Variants in GALNTL6 observed in about 807,000 individuals in gnomAD.
The protein encoded by GALNTL6 is polypeptide N-acetylgalactosaminyltransferase-like 6.
A neutral mutation model predicts 73.7 loss-of-function variants in GALNTL6; 46 were observed. That is an observed-to-expected ratio of 0.62 (90% CI 0.49 to 0.80). The LOEUF is 0.80. Ranked by LOEUF, GALNTL6 falls within the 30% of genes least tolerant of loss-of-function variation. The pLI is 0.00. For synonymous variants in GALNTL6, 259 were observed against 263.7 expected (o/e 0.98, Z 0.17); for missense variants, 604 against 755.0 (o/e 0.80, Z 2.34).
intron 7 of GALNTL6, among the ~76,000 whole-genome samples, chr4:172,870,766 A>G (rs1311992388): frequency 6.6e-6 from 1 of 152,226 alleles, no homozygotes; most frequent in Non-Finnish European, 1.5e-5. Flanking sequence ...TAATGACACT[A>G]CAAGTACATG....
intron 2 of GALNTL6, among the ~76,000 whole-genome samples, chr4:171,913,583 T>C (rs1003577208): frequency 6.6e-6 from 1 of 152,242 alleles, no homozygotes; most frequent in Non-Finnish European, 1.5e-5. Flanking sequence ...CATATAAATC[T>C]ATATTTGTTT....
chr4:172,682,163 A>G (rs1732665503), intron 5 of GALNTL6, among the ~76,000 whole-genome samples: 1 of 152,232 alleles, frequency 6.6e-6, no homozygotes, highest in Non-Finnish European at 1.5e-5. Flanking sequence ...AATGATCTGG[A>G]CAGATAAAAA....
chr4:172,278,396 A>G (rs1738908922), intron 3 of GALNTL6, among the ~76,000 whole-genome samples: 1 of 152,204 alleles, frequency 6.6e-6, no homozygotes, highest in Admixed American at 6.6e-5. Context: ...CAGCTTTAAA[A>G]TATCTATCCT....
intron 8 of GALNTL6, among the ~76,000 whole-genome samples, chr4:172,912,141 C>G (rs919641887): frequency 6.6e-6 from 1 of 152,126 alleles, no homozygotes; most frequent in Non-Finnish European, 1.5e-5. Flanking sequence ...AATAAAACAC[C>G]TCTTCATATA....
intron 2 of GALNTL6, among the ~76,000 whole-genome samples, chr4:172,017,065 T>TA (rs1741219051): frequency 6.6e-6 from 1 of 152,174 alleles, no homozygotes. Flanking sequence ...TTCAGGCTAA[T>TA]AGGGGAGTTA....
At chr4:172,289,138 T>C (rs1244434310) in intron 3 of GALNTL6, among the ~76,000 whole-genome samples, 1 of 152,236 alleles carries the variant, frequency 6.6e-6, no homozygotes, top group South Asian at 2.1e-4. Context: ...TTCATTGTTT[T>C]TGATGTGTTT....
intron 7 of GALNTL6, among the ~76,000 whole-genome samples, chr4:172,870,530 G>A (rs936173393): frequency 2.6e-5 from 4 of 152,084 alleles, no homozygotes; most frequent in African/African-American, 9.7e-5. Flanking sequence ...TTTCGCTTTG[G>A]CCCAGGGCCT....
chr4:172,220,181 C>T (rs1041887364), intron 2 of GALNTL6, among the ~76,000 whole-genome samples: 2 of 151,602 alleles, frequency 1.3e-5, no homozygotes, highest in African/African-American at 4.8e-5. Context: ...TTTAATAGTA[C>T]ACCTGTAGAA....
chr4:172,315,988 C>A (rs946469814), intron 4 of GALNTL6, among the ~76,000 whole-genome samples: 1 of 151,518 alleles, frequency 6.6e-6, no homozygotes, highest in African/African-American at 2.4e-5. Flanking sequence ...GTAAAAATGG[C>A]CTATATAGAA....
At chr4:172,323,310 A>G (rs1740822689) in intron 4 of GALNTL6, among the ~76,000 whole-genome samples, 1 of 152,174 alleles carries the variant, frequency 6.6e-6, no homozygotes, top group African/African-American at 2.4e-5. Flanking sequence ...AAATTACTAG[A>G]TATCACTGCC....
rs185084452 is a variant in GALNTL6, at chr4:171,827,518, A to C, written c.138+12800A>C. 1.6e-3 allele frequency among the ~76,000 whole-genome samples: 242 copies of C among 152,294 alleles called. 1 individual carries two copies. The highest frequency in any genetic ancestry group is 1.8e-3 in the Non-Finnish European group (122 of 68,028). On this transcript the variant is annotated intron_variant, in intron 2 of 12. Coordinates refer to ENST00000506823, the MANE Select transcript of GALNTL6 (RefSeq NM_001034845.3). ...ATCACTCACAAGCCTTCAGAATTTCAGTTATCAAATTTAGGTTGTTGACTC... is the reference window on the plus strand; with the variant it reads ...ATCACTCACAAGCCTTCAGAATTTCCGTTATCAAATTTAGGTTGTTGACTC...
At position 172,177,537 on chromosome 4, in the gene GALNTL6, G is replaced by A. The variant is rs1735037021; in HGVS notation, c.139-52119G>A. Among the ~76,000 whole-genome samples, 3 of 152,054 alleles carry A rather than the reference G, an allele frequency of 2.0e-5. No individual in the cohort carries two copies. The South Asian group carries it at 6.2e-4, about 32-fold the overall frequency. On this transcript the variant is annotated intron_variant, in intron 2 of 12. Coordinates refer to ENST00000506823, the MANE Select transcript of GALNTL6 (RefSeq NM_001034845.3). ...ATAGCACATTATTTGAACAGAATGAGAATATTTACTTGTCTTTCTTAGTTG... is the reference window on the plus strand; with the variant it reads ...ATAGCACATTATTTGAACAGAATGAAAATATTTACTTGTCTTTCTTAGTTG...
chr4:172,922,749 T>C (rs1296194779), intron 8 of GALNTL6, among the ~76,000 whole-genome samples: 1 of 152,216 alleles, frequency 6.6e-6, no homozygotes, highest in African/African-American at 2.4e-5. Flanking sequence ...GAGTGTCTTC[T>C]ATGTGCTGAA....
rs1322085131 is a variant in GALNTL6, at chr4:172,767,177, T to A, written c.554-42184T>A. On this transcript the variant is annotated intron_variant, in intron 5 of 12. Coordinates refer to ENST00000506823, the MANE Select transcript of GALNTL6 (RefSeq NM_001034845.3). ...GCTGTCTTTCAACGTATTATTTGTG[T>A]CAGATCAGAAACAACCAAAATGATG... 2.0e-5 allele frequency among the ~76,000 whole-genome samples: 3 copies of A among 152,212 alleles called. No homozygotes were observed. The East Asian group carries it at 5.8e-4, about 29-fold the overall frequency.
chr4:172,236,832 T>C (rs892741972), intron 3 of GALNTL6, among the ~76,000 whole-genome samples: 13 of 152,128 alleles, frequency 8.5e-5, no homozygotes, highest in Middle Eastern at 3.2e-3. Context: ...ATAAGCATAG[T>C]ATTCAATAGG....
At chr4:172,241,914 A>G (rs1328845498) in intron 3 of GALNTL6, among the ~76,000 whole-genome samples, 1 of 152,204 alleles carries the variant, frequency 6.6e-6, no homozygotes, top group Non-Finnish European at 1.5e-5. Context: ...ATCACAAAAT[A>G]GATTAGCATT....
chr4:173,005,534 A>AAT (rs1554010447), intron 10 of GALNTL6, among the ~76,000 whole-genome samples: 12 of 151,840 alleles, frequency 7.9e-5, no homozygotes, highest in Non-Finnish European at 1.3e-4. Context: ...ATTTAAAAAA[A>AAT]ATATATTATT....
In GALNTL6 at chr4:172,008,459, C is replaced by CTTT. The variant is rs113131588; in HGVS notation, c.138+193749_138+193751dup. Among the ~76,000 whole-genome samples the CTTT allele has an allele frequency of 2.0e-5, 3 of 148,892 alleles. No homozygotes were observed. The Admixed American group carries it at 2.0e-4, about 10-fold the overall frequency. ...TTTGATTTGTTTCTGCATCAACTTT[C>CTTT]TTTTTTTTTTAATTTAAGGATTTAT... On this transcript the variant is annotated intron_variant, in intron 2 of 12. Transcript: ENST00000506823.
At chr4:171,923,826 G>GTGTGTT (rs1737882151) in intron 2 of GALNTL6, among the ~76,000 whole-genome samples, 3 of 144,928 alleles carry the variant, frequency 2.1e-5, no homozygotes, top group African/African-American at 7.5e-5. Context: ...GTGTGTGTGT[G>GTGTGTT]TTTGAAGTTC....
Sources: gnomAD v4.1 joint callset for allele counts (sites outside exome capture counted in the v4.1 genomes callset) on GRCh38, gnomAD v4.1.1 for gene constraint, MANE v1.5 for transcripts, NCBI Gene and HGNC (gene_info 2026-07-23, HGNC 2026-07-21) for gene names.